Variants in WLS observed in about 807,000 individuals in gnomAD.
The protein encoded by WLS is protein wntless homolog.
WLS carries 23 observed loss-of-function variants against 62.8 expected under a neutral mutation model. That is an observed-to-expected ratio of 0.37 (90% CI 0.26 to 0.52). WLS has a LOEUF of 0.52. Ranked by LOEUF, WLS falls within the 20% of genes least tolerant of loss-of-function variation. The pLI is 0.92. For missense variants in WLS, 615 were observed against 697.3 expected (o/e 0.88, Z 1.33); for synonymous variants, 246 against 244.1 (o/e 1.01, Z -0.07).
At chr1:68,130,177 ATTGT>A (rs1203022264) in intron 11 of WLS, among the ~76,000 whole-genome samples, 1 of 152,180 alleles carries the variant, frequency 6.6e-6, no homozygotes, top group African/African-American at 2.4e-5. Flanking sequence ...TTTAATGACA[ATTGT>A]TTGTGTATCT....
chr1:68,101,224 G>T (rs751010657), intron 11 of WLS, among the ~76,000 whole-genome samples: 4 of 152,278 alleles, frequency 2.6e-5, no homozygotes, highest in Non-Finnish European at 5.9e-5. Flanking sequence ...CTCATGGGTT[G>T]TTGTGAAGAA....
intron 11 of WLS, among the ~76,000 whole-genome samples, chr1:68,118,026 T>C (rs967729411): frequency 1.3e-5 from 2 of 151,518 alleles, no homozygotes; most frequent in African/African-American, 4.8e-5. Flanking sequence ...CCTATTATCT[T>C]AGGGGATATT....
chr1:68,138,823 T>G (rs1371652881), intron 10 of WLS, among the ~76,000 whole-genome samples: 1 of 152,216 alleles, frequency 6.6e-6, no homozygotes, highest in Non-Finnish European at 1.5e-5. Flanking sequence ...GAAGAAAGTA[T>G]TGGGTAAATA....
chr1:68,111,632 C>T (rs1646229790), intron 11 of WLS, among the ~76,000 whole-genome samples: 1 of 152,208 alleles, frequency 6.6e-6, no homozygotes, highest in Non-Finnish European at 1.5e-5. Flanking sequence ...CTCTCTATAA[C>T]AGTCCTTTGA....
At chr1:68,098,830 G>T in intron 11 of WLS, 1 of 1,498,088 alleles carries the variant, frequency 6.7e-7, no homozygotes, top group Admixed American at 2.4e-5. Flanking sequence ...TTAGGACCAA[G>T]GCTCAGGTAA....
chr1:68,199,196 C>T (rs935613856), intron 1 of WLS, among the ~76,000 whole-genome samples: 1 of 152,168 alleles, frequency 6.6e-6, no homozygotes, highest in African/African-American at 2.4e-5. Flanking sequence ...GAGTAATGAA[C>T]ATTTCTTTAG....
At chr1:68,201,016 T>A (rs1193626728) in intron 1 of WLS, among the ~76,000 whole-genome samples, 2 of 152,180 alleles carry the variant, frequency 1.3e-5, no homozygotes, top group Non-Finnish European at 2.9e-5. Flanking sequence ...AAGTACTTAT[T>A]TAACCTAAGA....
chr1:68,108,064 A>G (rs1260345161), intron 11 of WLS, among the ~76,000 whole-genome samples: 1 of 152,028 alleles, frequency 6.6e-6, no homozygotes, highest in African/African-American at 2.4e-5. Context: ...TAAAATGGGG[A>G]CCACAATCTT....
intron 1 of WLS, chr1:68,228,373 C>G (rs542256707): frequency 6.4e-6 from 2 of 314,322 alleles, no homozygotes; most frequent in Non-Finnish European, 1.2e-5. Flanking sequence ...TGAGACATGA[C>G]TAATTTGAAG....
chr1:68,178,271 G>A (rs990522968), intron 2 of WLS, among the ~76,000 whole-genome samples: 4 of 152,100 alleles, frequency 2.6e-5, no homozygotes, highest in East Asian at 1.9e-4. Flanking sequence ...GAACACACTG[G>A]TGTAATTTTT....
rs775130985 is a variant in WLS, at chr1:68,183,484, C to T, written c.379+10471G>A. 1.1e-5 allele frequency: 6 copies of T among 525,514 alleles called. No individual in the cohort carries two copies. In the East Asian group the frequency reaches 1.7e-4, roughly 15 times the overall value. The allele number at this position is 525,514 out of a possible 1,614,324, so 32.6% of individuals were successfully genotyped here. On this transcript the variant is annotated intron_variant, in intron 2 of 11. Transcript: ENST00000262348. ...GCCCCATTCAGCTCTCTTTATGGAG[C>T]TTTCCTCAGAAGCATCAGAAAACAC...
intron 1 of WLS, among the ~76,000 whole-genome samples, chr1:68,209,489 G>T (rs536656271): frequency 2.2e-4 from 33 of 152,298 alleles, no homozygotes; most frequent in African/African-American, 6.5e-4. Flanking sequence ...TTATACAGAA[G>T]TAAGTGTGGC....
intron 11 of WLS, among the ~76,000 whole-genome samples, chr1:68,104,946 G>A (rs1280548646): frequency 1.3e-5 from 2 of 152,124 alleles, no homozygotes; most frequent in African/African-American, 4.8e-5. Flanking sequence ...AGGATTGCAG[G>A]GATTGCACCC....
rs1280465700 is a variant in WLS, at chr1:68,126,118, G to A, written c.*108C>T. Reference sequence around the variant, plus strand: ...CGCTGGTCCAAGAAACCACAGCTAAGAGCCATGAGGCATTCATTTGTACAT... The same window carrying A: ...CGCTGGTCCAAGAAACCACAGCTAAAAGCCATGAGGCATTCATTTGTACAT... On this transcript the variant is annotated 3_prime_UTR_variant, in exon 12 of 12. Transcript: ENST00000262348. The A allele has an allele frequency of 3.3e-6, 5 of 1,494,380 alleles. No individual in the cohort carries two copies. Among genetic ancestry groups the A allele is most frequent in the Admixed American group, 4.5e-5 (2 of 44,940 alleles). The allele number at this position is 1,494,380 out of a possible 1,614,324, so 92.6% of individuals were successfully genotyped here.
At chr1:68,137,232 T>C (rs1646623210) in intron 11 of WLS, among the ~76,000 whole-genome samples, 1 of 151,904 alleles carries the variant, frequency 6.6e-6, no homozygotes, top group Non-Finnish European at 1.5e-5. Flanking sequence ...TCTGTGATTA[T>C]AAGATATAAA....
chr1:68,175,375 C>A (rs975361674), intron 2 of WLS, among the ~76,000 whole-genome samples: 8 of 152,154 alleles, frequency 5.3e-5, no homozygotes, highest in Non-Finnish European at 8.8e-5. Flanking sequence ...CCCAGGTTTG[C>A]CTGACTCAGC....
intron 2 of WLS, among the ~76,000 whole-genome samples, chr1:68,193,607 G>C (rs1198554650): frequency 6.6e-6 from 1 of 151,816 alleles, no homozygotes; most frequent in Non-Finnish European, 1.5e-5. Flanking sequence ...ACTCCATTGG[G>C]GTGAACTCCC....
chr1:68,160,938 T>A (rs1646963105), intron 2 of WLS, among the ~76,000 whole-genome samples: 1 of 152,176 alleles, frequency 6.6e-6, no homozygotes, highest in Non-Finnish European at 1.5e-5. Flanking sequence ...GAAGACTTTA[T>A]CAATGTCTAA....
intron 1 of WLS, among the ~76,000 whole-genome samples, chr1:68,210,099 T>C (rs1470032653): frequency 6.6e-6 from 1 of 152,202 alleles, no homozygotes; most frequent in Non-Finnish European, 1.5e-5. Context: ...TATGGATGTC[T>C]TTGTTCTAGG....
Sources: allele counts gnomAD v4.1 joint callset (sites outside exome capture counted in the v4.1 genomes callset), GRCh38; gene constraint gnomAD v4.1.1; transcripts MANE v1.5; gene names NCBI Gene and HGNC (gene_info 2026-07-23, HGNC 2026-07-21).